TBC1D2: variants seen among roughly 807,000 people sequenced by gnomAD.
The protein encoded by TBC1D2 is TBC1 domain family member 2A.
TBC1D2 carries 58 observed loss-of-function variants against 91.1 expected under a neutral mutation model. The ratio of observed to expected loss-of-function variants is 0.64; its 90% CI spans 0.52 to 0.79. The LOEUF is 0.79. TBC1D2 is among the 30% of genes least tolerant of loss of function. TBC1D2 has a pLI of 0.00. For missense variants in TBC1D2, 1,080 were observed against 1,208.3 expected, an observed-to-expected ratio of 0.89 and a Z score of 1.57; for synonymous variants, 482 against 511.5, an observed-to-expected ratio of 0.94 and a Z score of 0.78.
chr9:98,215,836 C>T (rs1233465993), intron 6 of TBC1D2, among the ~76,000 whole-genome samples: 1 of 152,152 alleles, frequency 6.6e-6, no homozygotes, highest in Non-Finnish European at 1.5e-5. Context: ...CCCTAATCAC[C>T]AAACTTCCTG....
chr9:98,249,022 A>G (rs1306221949), intron 2 of TBC1D2, among the ~76,000 whole-genome samples: 1 of 152,246 alleles, frequency 6.6e-6, no homozygotes, highest in Non-Finnish European at 1.5e-5. Flanking sequence ...GTTTTCAACG[A>G]CATGGGAGCG....
chr9:98,214,932 TTC>T lies in TBC1D2; in HGVS notation c.1375-1716_1375-1715del, dbSNP rs985368181. On this transcript the variant is annotated intron_variant, in intron 6 of 12. Coordinates refer to ENST00000465784, the MANE Select transcript of TBC1D2 (RefSeq NM_001267571.2). ...TGCCCCAACCCAGGCCACCCCTGCT[TTC>T]ATCTCCCTCGCTGTGCCAAGGCTGA... is the stretch of plus-strand genomic sequence containing the variant. 1.1e-3 allele frequency among the ~76,000 whole-genome samples: 164 copies of T among 152,234 alleles called. 1 individual carries two copies. The highest frequency in any genetic ancestry group is 3.6e-3 in the African/African-American group (150 of 41,542).
intron 5 of TBC1D2, among the ~76,000 whole-genome samples, chr9:98,225,796 C>A (rs913463972): frequency 2.0e-5 from 3 of 152,224 alleles, no homozygotes; most frequent in Non-Finnish European, 4.4e-5. Flanking sequence ...GGTGAGGTGC[C>A]CAAGGGCAGG....
At chr9:98,237,304 G>A (rs1487812180) in intron 3 of TBC1D2, among the ~76,000 whole-genome samples, 8 of 149,178 alleles carry the variant, frequency 5.4e-5, no homozygotes, top group Non-Finnish European at 1.2e-4. Context: ...TGGAGATTGC[G>A]CCACTGCACT....
At position 98,242,206 on chromosome 9, in the gene TBC1D2, C is replaced by T. The variant is rs189287239; in HGVS notation, c.647+1788G>A. 3.8e-3 allele frequency among the ~76,000 whole-genome samples: 584 copies of T among 152,190 alleles called. 2 individuals carry two copies. Among genetic ancestry groups the T allele is most frequent in the Non-Finnish European group, 7.2e-3 (488 of 68,002 alleles). On this transcript the variant is annotated intron_variant, in intron 3 of 12. Coordinates refer to ENST00000465784, the MANE Select transcript of TBC1D2 (RefSeq NM_001267571.2). ...TCTGTAATCCCAGCACTTTGGGAGGCCGAGGTGGGCAAACCACGAGGTCAG... is the reference window on the plus strand; with the variant it reads ...TCTGTAATCCCAGCACTTTGGGAGGTCGAGGTGGGCAAACCACGAGGTCAG...
At chr9:98,242,453 A>AG (rs1472611854) in intron 3 of TBC1D2, among the ~76,000 whole-genome samples, 1 of 151,878 alleles carries the variant, frequency 6.6e-6, no homozygotes, top group Non-Finnish European at 1.5e-5. Context: ...AAAAAAAAAA[A>AG]AAAAGAAAAG....
intron 1 of TBC1D2, among the ~76,000 whole-genome samples, chr9:98,254,285 A>C (rs1175080613): frequency 6.7e-6 from 1 of 149,054 alleles, no homozygotes; most frequent in Non-Finnish European, 1.5e-5. Context: ...CCTCCTCTTG[A>C]CATTAGCACT....
At chr9:98,206,400 C>T (rs931228548) in intron 9 of TBC1D2, among the ~76,000 whole-genome samples, 5 of 152,170 alleles carry the variant, frequency 3.3e-5, no homozygotes, top group Non-Finnish European at 7.4e-5. Flanking sequence ...CTCTCTTGGC[C>T]TCAGTTGTCC....
At chr9:98,235,057 A>G (rs1829468176) in intron 3 of TBC1D2, 1 of 181,686 alleles carries the variant, frequency 5.5e-6, no homozygotes, top group South Asian at 1.0e-4. Context: ...TACAAAAATT[A>G]GCCGGGCGTG....
chr9:98,244,659 CAAAAAAAAAAAAAAA>C (rs59871511), intron 2 of TBC1D2, among the ~76,000 whole-genome samples: 1 of 46,890 alleles, frequency 2.1e-5, no homozygotes, highest in Non-Finnish European at 4.0e-5. Context: ...AACTCCGTCT[CAAAAAAAAAAAAAAA>C]AAAAAAAAAG....
chr9:98,231,467 G>A (rs182053059), intron 4 of TBC1D2, among the ~76,000 whole-genome samples: 3 of 152,034 alleles, frequency 2.0e-5, no homozygotes, highest in East Asian at 3.9e-4. Context: ...TGTAAACACC[G>A]TTTAACACAG....
In TBC1D2 at chr9:98,208,833, CG is replaced by C. The variant is rs1294007627; in HGVS notation, c.1984del (p.Arg662AlafsTer13). On this transcript the variant is annotated frameshift_variant, in exon 9 of 13. Coordinates refer to ENST00000465784, the MANE Select transcript of TBC1D2 (RefSeq NM_001267571.2). LOFTEE classifies it high-confidence loss of function. ...YQELLSRGQA[R>X]EHPAARQIEL... The stretch of plus-strand genomic sequence containing the variant: ...AATCTGGCGGGCAGCAGGGTGCTCG[CG>C]GGCCTGGCCCCGGCTCAGCAGTTCC... The C allele has an allele frequency of 1.2e-6, 2 of 1,607,518 alleles. No homozygotes were observed. The highest frequency in any genetic ancestry group is 1.7e-6 in the Non-Finnish European group (2 of 1,174,922).
rs568283212 is a variant in TBC1D2 at position 98,215,041 on chromosome 9, C to A, written c.1375-1823G>T. On this transcript the variant is annotated intron_variant, in intron 6 of 12. Transcript: ENST00000465784. ...CAACCCCTGGCGCCACCCTCCTCCC[C>A]CTATCCAATCCTGTCCCTGACCTAG... Among the ~76,000 whole-genome samples, 4 of 152,300 alleles carry A rather than the reference C, an allele frequency of 2.6e-5. No homozygotes were observed. The South Asian group carries it at 8.3e-4, about 32-fold the overall frequency.
chr9:98,217,252 C>G (rs1252318881), intron 6 of TBC1D2, among the ~76,000 whole-genome samples: 3 of 152,202 alleles, frequency 2.0e-5, no homozygotes, highest in African/African-American at 7.2e-5. Context: ...AGGACAGTCA[C>G]CAGTGGAATG....
chr9:98,219,340 GA>G (rs918667703), intron 6 of TBC1D2, among the ~76,000 whole-genome samples: 5 of 152,202 alleles, frequency 3.3e-5, no homozygotes, highest in African/African-American at 1.2e-4. Flanking sequence ...TGCCCACTGA[GA>G]GCTTTTCTCT....
chr9:98,211,589 T>C (rs1332324609), intron 7 of TBC1D2, among the ~76,000 whole-genome samples: 1 of 152,180 alleles, frequency 6.6e-6, no homozygotes, highest in African/African-American at 2.4e-5. Context: ...TGCCATGATC[T>C]CTGGGCCACC....
At chr9:98,252,171 C>T (rs1186496366) in intron 1 of TBC1D2, among the ~76,000 whole-genome samples, 1 of 152,170 alleles carries the variant, frequency 6.6e-6, no homozygotes, top group Non-Finnish European at 1.5e-5. Context: ...CAATAAGTCT[C>T]ATTGCATAGG....
At chr9:98,234,219 C>T (rs552785650) in intron 3 of TBC1D2, among the ~76,000 whole-genome samples, 2 of 152,166 alleles carry the variant, frequency 1.3e-5, no homozygotes, top group South Asian at 2.1e-4. Flanking sequence ...CTTTAAGAAC[C>T]GGGTACTAAC....
At chr9:98,246,375 A>T (rs550778264) in intron 2 of TBC1D2, among the ~76,000 whole-genome samples, 21 of 152,358 alleles carry the variant, frequency 1.4e-4, no homozygotes, top group African/African-American at 5.1e-4. Context: ...ACTTAGCAGT[A>T]GTTCAAACAA....
Sources: allele counts gnomAD v4.1 joint callset (sites outside exome capture counted in the v4.1 genomes callset), GRCh38; gene constraint gnomAD v4.1.1; transcripts MANE v1.5; gene names NCBI Gene and HGNC (gene_info 2026-07-23, HGNC 2026-07-21).